FBXO9: variants seen among roughly 807,000 people sequenced by gnomAD.
FBXO9 encodes F-box only protein 9.
FBXO9 carries 43 observed loss-of-function variants against 63.7 expected under a neutral mutation model. The ratio of observed to expected loss-of-function variants is 0.67; its 90% CI spans 0.53 to 0.87. The LOEUF (loss-of-function observed/expected upper bound fraction) is 0.87. FBXO9 is among the 40% of genes least tolerant of loss of function. The pLI, the probability that FBXO9 is intolerant of heterozygous loss-of-function variation, is 0.00. For missense variants in FBXO9, 442 were observed against 533.2 expected (o/e 0.83, Z 1.68); for synonymous variants, 156 against 171.7 (o/e 0.91, Z 0.72).
chr6:53,065,856 C>A, intron 1 of FBXO9, 64 bp downstream of exon 1: 1 of 1,271,912 alleles, frequency 7.9e-7, no homozygotes, highest in South Asian at 2.5e-5. Context: ...GCAGAGGGGC[C>A]GGGCCTAGGG....
chr6:53,092,572 G>A, intron 8 of FBXO9, 25 bp downstream of exon 8: 1 of 1,568,522 alleles, frequency 6.4e-7, no homozygotes, highest in Non-Finnish European at 8.8e-7. Context: ...GTAGAACTCA[G>A]CAGAAATACT....
chr6:53,070,990 A>C (rs371539794), intron 1 of FBXO9, 67 bp from the exon 2 acceptor site: 291 of 1,546,688 alleles, frequency 1.9e-4, no homozygotes, highest in Middle Eastern at 6.7e-4. Context: ...CTGAATGAGA[A>C]ATGTAGATTG....
At chr6:53,092,594 C>T (rs953730845) in intron 8 of FBXO9, 47 bp downstream of exon 8, 24 of 1,527,752 alleles carry the variant, frequency 1.6e-5, no homozygotes, top group Non-Finnish European at 2.1e-5. Context: ...ATCTATAATG[C>T]TGATTTTTAT....
chr6:53,087,131 C>T (rs2127496280), intron 7 of FBXO9, among the ~76,000 whole-genome samples: 2 of 152,050 alleles, frequency 1.3e-5, no homozygotes, highest in Middle Eastern at 6.8e-3. Context: ...GGGTTGGACC[C>T]AGGAGTTCGA....
chr6:53,095,990 C>T (rs1203361979), intron 12 of FBXO9, among the ~76,000 whole-genome samples: 1 of 152,162 alleles, frequency 6.6e-6, no homozygotes, highest in Non-Finnish European at 1.5e-5. Context: ...GACTTAAAGC[C>T]ATTTTAAAAT....
intron 6 of FBXO9, among the ~76,000 whole-genome samples, chr6:53,081,894 C>T (rs1769327405): frequency 6.6e-6 from 1 of 152,018 alleles, no homozygotes; most frequent in African/African-American, 2.4e-5. Flanking sequence ...CATGGTGAAA[C>T]CCCACCTCTA....
chr6:53,065,761 C>T lies in FBXO9; in HGVS notation c.-29C>T. 7.1e-7 allele frequency: 1 copy of T among 1,405,084 alleles called. No individual in the cohort carries two copies. The highest frequency in any genetic ancestry group is 9.3e-7 in the Non-Finnish European group (1 of 1,079,996). 87.0% of individuals were successfully genotyped at this position (1,405,084 alleles called of 1,614,324 possible). On this transcript the variant is annotated 5_prime_UTR_variant, in exon 1 of 13. Coordinates refer to ENST00000323557, the MANE Select transcript of FBXO9 (RefSeq NM_033480.3). The stretch of plus-strand genomic sequence containing the variant: ...CGGTGCAGAGGGGGCACGGAGAGCC[C>T]CTCGAGCGCAGCAGGCCGCCCCGCC...
intron 7 of FBXO9, among the ~76,000 whole-genome samples, chr6:53,089,744 T>A (rs1160237740): frequency 1.3e-5 from 2 of 152,050 alleles, no homozygotes; most frequent in African/African-American, 2.4e-5. Context: ...CCAAACCAGA[T>A]CCCAAATGAT....
intron 12 of FBXO9, 49 bp from the exon 13 acceptor site, chr6:53,097,673 A>G (rs753126995): frequency 2.7e-6 from 3 of 1,094,950 alleles, no homozygotes; most frequent in Non-Finnish European, 2.7e-6. Flanking sequence ...AGGATTTTAA[A>G]TGAATTGAAA....
At chr6:53,095,090 C>T (rs1763169374) in intron 11 of FBXO9, among the ~76,000 whole-genome samples, 1 of 152,166 alleles carries the variant, frequency 6.6e-6, no homozygotes, top group South Asian at 2.1e-4. Context: ...TTTTCAGCAT[C>T]CTTCACCAAT....
chr6:53,073,890 G>T (rs1769007215), intron 3 of FBXO9: 3 of 256,764 alleles, frequency 1.2e-5, no homozygotes, highest in Non-Finnish European at 2.2e-5. Context: ...GCTGTCTTTT[G>T]TTAATTTATA....
chr6:53,068,550 T>G (rs1411020033), intron 1 of FBXO9, among the ~76,000 whole-genome samples: 1 of 151,990 alleles, frequency 6.6e-6, no homozygotes, highest in Non-Finnish European at 1.5e-5. Flanking sequence ...GCTTTCCTAG[T>G]ACATATAAAA....
At chr6:53,066,439 C>G (rs1319827834) in intron 1 of FBXO9, among the ~76,000 whole-genome samples, 1 of 152,174 alleles carries the variant, frequency 6.6e-6, no homozygotes, top group Non-Finnish European at 1.5e-5. Flanking sequence ...TGAGACTGTT[C>G]CATATTGGAA....
At chr6:53,079,053 A>T (rs919729165) in intron 5 of FBXO9, among the ~76,000 whole-genome samples, 155 bp downstream of exon 5, 1 of 152,190 alleles carries the variant, frequency 6.6e-6, no homozygotes, top group African/African-American at 2.4e-5. Flanking sequence ...TAATTAGGGA[A>T]ATTGCAAGAT....
chr6:53,067,958 C>A (rs1309241606), intron 1 of FBXO9: 1 of 152,224 alleles, frequency 6.6e-6, no homozygotes, highest in African/African-American at 2.4e-5. Context: ...TGGTTCAAGT[C>A]TGAAAGGCAC....
Position 53,099,367 on chromosome 6 carries a change from T to A in FBXO9, c.*1537T>A, listed in dbSNP as rs9474386. On this transcript the variant is annotated 3_prime_UTR_variant, in exon 13 of 13. Transcript: ENST00000323557. Reference sequence around the variant, plus strand: ...AAGATCGTGCCATTCCACTCCAGCCTGAGCAACACAGTGAGACCCTATCTC... The same window carrying A: ...AAGATCGTGCCATTCCACTCCAGCCAGAGCAACACAGTGAGACCCTATCTC... 11,723 of 152,078 alleles carry A rather than the reference T, an allele frequency of 0.077. 1,160 individuals are homozygous for A. Among genetic ancestry groups the A allele is most frequent in the African/African-American group, 0.23 (9,421 of 41,346 alleles). 9.4% of individuals were successfully genotyped at this position (152,078 alleles called of 1,614,324 possible). A position where few individuals can be genotyped will look rare whatever the true frequency, so the allele number is the denominator to read the frequency against.
chr6:53,081,086 A>G lies in FBXO9; in HGVS notation c.526A>G (p.Ile176Val). 1 of 1,611,332 alleles carries G rather than the reference A, an allele frequency of 6.2e-7. No homozygotes were observed. The highest frequency in any genetic ancestry group is 1.1e-5 in the South Asian group (1 of 90,926). ...LCQPELESSQ[I>V]HISVLPMEVL... The stretch of plus-strand genomic sequence containing the variant: ...TCAGCCTGAGCTTGAGAGCAGTCAG[A>G]TTCACATATCAGGTGTGAATACTTG... The change falls in exon 6 of 13, where the codon ATT (isoleucine) becomes GTT (valine). Residue 176 changes from isoleucine to valine, a missense_variant. By Grantham distance (29) the Ile-to-Val change is conservative. This residue lies in a region of FBXO9 where 262 missense variants were observed against 362.1 expected (regional missense o/e 0.72). Coordinates refer to ENST00000323557, the MANE Select transcript of FBXO9 (RefSeq NM_033480.3).
intron 7 of FBXO9, among the ~76,000 whole-genome samples, chr6:53,089,906 C>A (rs1762998672): frequency 6.6e-6 from 1 of 152,308 alleles, no homozygotes; most frequent in African/African-American, 2.4e-5. Flanking sequence ...AGTTAATGAT[C>A]TTTTCAGATC....
At chr6:53,072,013 A>G (rs1438470722) in intron 2 of FBXO9, among the ~76,000 whole-genome samples, 2 of 152,134 alleles carry the variant, frequency 1.3e-5, no homozygotes, top group Admixed American at 1.3e-4. Flanking sequence ...AAAGAGAAAA[A>G]AAGTTGCTGT....
Sources: gnomAD v4.1 joint callset for allele counts (sites outside exome capture counted in the v4.1 genomes callset) on GRCh38, gnomAD v4.1.1 for gene constraint, gnomAD v4.1.1 regional missense constraint, MANE v1.5 for transcripts, NCBI Gene and HGNC (gene_info 2026-07-23, HGNC 2026-07-21) for gene names.